ADK: variants seen among roughly 807,000 people sequenced by gnomAD.
The protein encoded by ADK is adenosine kinase.
In ADK, 24 loss-of-function variants were observed where a neutral mutation model predicts 44.7. The ratio of observed to expected loss-of-function variants is 0.54; its 90% CI spans 0.39 to 0.76. The LOEUF is 0.76. ADK is among the 30% of genes least tolerant of loss of function. ADK has a pLI of 0.00. For synonymous variants in ADK, 128 were observed against 142.6 expected, an observed-to-expected ratio of 0.90 and a Z score of 0.73; for missense variants, 321 against 425.1, an observed-to-expected ratio of 0.76 and a Z score of 2.15.
At chr10:74,272,555 A>G (rs1846477114) in intron 3 of ADK, among the ~76,000 whole-genome samples, 1 of 152,222 alleles carries the variant, frequency 6.6e-6, no homozygotes, top group Admixed American at 6.5e-5. Context: ...GATTACAGGC[A>G]TGAGCCACCA....
intron 7 of ADK, among the ~76,000 whole-genome samples, chr10:74,544,628 G>C (rs886384439): frequency 6.6e-6 from 1 of 152,140 alleles, no homozygotes; most frequent in Non-Finnish European, 1.5e-5. Context: ...TGTAATCCCA[G>C]CATTTTGGGG....
At chr10:74,543,846 CTCTTTTA>C (rs1476797660) in intron 7 of ADK, among the ~76,000 whole-genome samples, 1 of 151,878 alleles carries the variant, frequency 6.6e-6, no homozygotes, top group African/African-American at 2.4e-5. Context: ...ATTTTAAAGA[CTCTTTTA>C]TCTTTTTTTT....
chr10:74,527,447 C>A, intron 7 of ADK: 1 of 498,526 alleles, frequency 2.0e-6, no homozygotes, highest in Non-Finnish European at 3.6e-6. Context: ...AGATTGAATG[C>A]CATAAAAAAT....
rs11819453 is a variant in ADK, at chr10:74,338,960, A to G, written c.273+24215A>G. Among the ~76,000 whole-genome samples the G allele has an allele frequency of 5.0e-3, 760 of 152,124 alleles. 12 individuals carry two copies. The highest frequency in any genetic ancestry group is 0.017 in the African/African-American group (708 of 41,504). On this transcript the variant is annotated intron_variant, in intron 4 of 10. Coordinates refer to ENST00000539909, the MANE Select transcript of ADK (RefSeq NM_006721.4). ...ACTTTGGGGAGCTTTTTTTAAAAAA[A>G]TTTCTTTTAAGAGACAGTGTCTTGT...
chr10:74,681,159 C>G (rs977826177), intron 10 of ADK, among the ~76,000 whole-genome samples: 3 of 152,132 alleles, frequency 2.0e-5, no homozygotes, highest in Non-Finnish European at 4.4e-5. Context: ...TTAACTATAT[C>G]ATTTAGAGTG....
chr10:74,414,823 TTGAG>T (rs2132975305), intron 6 of ADK, among the ~76,000 whole-genome samples: 1 of 152,368 alleles, frequency 6.6e-6, no homozygotes, highest in African/African-American at 2.4e-5. Context: ...CCAGTTTTTT[TTGAG>T]TAACACTGTG....
chr10:74,407,909 C>T (rs370497429), intron 6 of ADK, among the ~76,000 whole-genome samples: 163 of 152,160 alleles, frequency 1.1e-3, no homozygotes, highest in Middle Eastern at 3.4e-3. Flanking sequence ...TTCATAGTGG[C>T]TGGAAGTGCA....
chr10:74,618,262 G>A (rs1342153040), intron 9 of ADK, among the ~76,000 whole-genome samples: 1 of 150,840 alleles, frequency 6.6e-6, no homozygotes, highest in African/African-American at 2.4e-5. Flanking sequence ...CTCCTTTCCT[G>A]CTGTTTTTGG....
chr10:74,520,676 T>A (rs1848782888), intron 6 of ADK, among the ~76,000 whole-genome samples: 1 of 152,050 alleles, frequency 6.6e-6, no homozygotes, highest in South Asian at 2.1e-4. Context: ...ACGTTTAGAC[T>A]ACTCTGAAAA....
At chr10:74,455,552 C>T (rs753156700) in intron 6 of ADK, among the ~76,000 whole-genome samples, 8 of 152,110 alleles carry the variant, frequency 5.3e-5, no homozygotes, top group African/African-American at 7.2e-5. Flanking sequence ...ACTCCGTCAC[C>T]AGGCTGAAGT....
chr10:74,610,499 G>A (rs1191338398), intron 9 of ADK, among the ~76,000 whole-genome samples: 1 of 152,086 alleles, frequency 6.6e-6, no homozygotes, highest in Non-Finnish European at 1.5e-5. Flanking sequence ...AGTGATAATT[G>A]CACAATAATA....
intron 6 of ADK, among the ~76,000 whole-genome samples, chr10:74,457,503 G>A (rs765997235): frequency 1.4e-4 from 21 of 152,154 alleles, no homozygotes; most frequent in Non-Finnish European, 2.9e-4. Flanking sequence ...ATTTGGCCCA[G>A]CAATCCCATT....
intron 9 of ADK, among the ~76,000 whole-genome samples, chr10:74,639,114 C>G (rs1283074569): frequency 6.6e-6 from 1 of 152,000 alleles, no homozygotes; most frequent in Non-Finnish European, 1.5e-5. Flanking sequence ...CAGCTGAGCT[C>G]TAATTACTGA....
Position 74,406,520 on chromosome 10 carries a change from T to TAAG in ADK, c.555+7943_555+7944insGAA, listed in dbSNP as rs1459364443. 3.4e-3 allele frequency among the ~76,000 whole-genome samples: 196 copies of TAAG among 57,636 alleles called. 1 individual carries two copies. The highest frequency in any genetic ancestry group is 0.013 in the Middle Eastern group (1 of 78). The allele number at this position is 57,636 out of a possible 152,430, so 37.8% of individuals were successfully genotyped here. On this transcript the variant is annotated intron_variant, in intron 6 of 10. Coordinates refer to ENST00000539909, the MANE Select transcript of ADK (RefSeq NM_006721.4). ...ACTCCGATTAAAATAATAATAATAATAATAATAAGAAGAAGAAGAAGAAGA... is the reference window on the plus strand; with the variant it reads ...ACTCCGATTAAAATAATAATAATAATAAGAATAATAAGAAGAAGAAGAAGAAGA...
intron 10 of ADK, among the ~76,000 whole-genome samples, chr10:74,688,754 A>C (rs971969097): frequency 6.6e-6 from 1 of 152,164 alleles, no homozygotes; most frequent in African/African-American, 2.4e-5. Flanking sequence ...CATTGGTATC[A>C]AAAATTAAAA....
chr10:74,699,852 C>T (rs573164814), intron 10 of ADK, among the ~76,000 whole-genome samples: 74 of 152,234 alleles, frequency 4.9e-4, no homozygotes, highest in African/African-American at 1.7e-3. Context: ...TCTAACCCAT[C>T]GGACTGGCAA....
intron 9 of ADK, among the ~76,000 whole-genome samples, chr10:74,624,682 G>A (rs963241372): frequency 4.6e-5 from 7 of 151,972 alleles, no homozygotes; most frequent in South Asian, 2.1e-4. Flanking sequence ...TCGTTATTAG[G>A]ATGACCATAT....
chr10:74,303,590 T>TGTTG (rs1363193635), intron 3 of ADK, among the ~76,000 whole-genome samples: 1 of 105,082 alleles, frequency 9.5e-6, no homozygotes, highest in Admixed American at 9.5e-5. Context: ...TTAATGTTGT[T>TGTTG]TTTTTTTTTT....
At chr10:74,445,434 T>G (rs1224114222) in intron 6 of ADK, among the ~76,000 whole-genome samples, 1 of 152,028 alleles carries the variant, frequency 6.6e-6, no homozygotes, top group Non-Finnish European at 1.5e-5. Flanking sequence ...TTGTATCTGA[T>G]GTTATTAATA....
Sources: gnomAD v4.1 joint callset for allele counts (sites outside exome capture counted in the v4.1 genomes callset) on GRCh38, gnomAD v4.1.1 for gene constraint, MANE v1.5 for transcripts, NCBI Gene and HGNC (gene_info 2026-07-23, HGNC 2026-07-21) for gene names.